The following ULK4 variants were observed in gnomAD, a reference collection of about 807,000 sequenced individuals.
The protein encoded by ULK4 is unc-51 like kinase 4.
Under a neutral mutation model 160.6 loss-of-function variants are expected in ULK4, and 133 were observed. The ratio of observed to expected loss-of-function variants is 0.83; its 90% confidence interval spans 0.72 to 0.96. ULK4 has a LOEUF of 0.96. ULK4 is among the 40% of genes least tolerant of loss of function. The pLI, the probability that ULK4 is intolerant of heterozygous loss-of-function variation, is 0.00. For synonymous variants in ULK4, 534 were observed against 539.8 expected (o/e 0.99, Z 0.15); for missense variants, 1,580 against 1,499.5 (o/e 1.05, Z -0.89).
In ULK4 at chr3:41,705,171, T is replaced by A; in HGVS notation, c.2687-20A>T. The A allele has an allele frequency of 6.2e-7, 1 of 1,609,082 alleles. No homozygotes were observed. Among genetic ancestry groups the A allele is most frequent in the Admixed American group, 1.7e-5 (1 of 59,544 alleles). On this transcript the variant is annotated intron_variant, in intron 26 of 36. Coordinates refer to ENST00000301831, the MANE Select transcript of ULK4 (RefSeq NM_017886.4). The stretch of plus-strand genomic sequence containing the variant: ...TCAGTCCTAGAAATACAGTTAATTA[T>A]TATAGGTGTTTATTTACATGTTCTA...
chr3:41,842,274 G>A (rs1334995781), intron 17 of ULK4, among the ~76,000 whole-genome samples: 1 of 150,748 alleles, frequency 6.6e-6, no homozygotes, highest in African/African-American at 2.4e-5. Flanking sequence ...CCACTGTACT[G>A]CAGCCTGGGC....
At chr3:41,613,858 A>C (rs2032826748) in intron 31 of ULK4, among the ~76,000 whole-genome samples, 1 of 152,214 alleles carries the variant, frequency 6.6e-6, no homozygotes, top group Admixed American at 6.5e-5. Flanking sequence ...TGGTTAGAAA[A>C]AGAGCACCAT....
At chr3:41,594,072 A>G (rs1049241110) in intron 31 of ULK4, among the ~76,000 whole-genome samples, 1 of 152,006 alleles carries the variant, frequency 6.6e-6, no homozygotes, top group Non-Finnish European at 1.5e-5. Flanking sequence ...GAGGGGAGGG[A>G]AAGGGAAAGG....
At chr3:41,277,480 CA>C (rs1559500615) in intron 35 of ULK4, among the ~76,000 whole-genome samples, 2 of 152,112 alleles carry the variant, frequency 1.3e-5, no homozygotes, top group African/African-American at 2.4e-5. Context: ...TACCACATAA[CA>C]GAATTAAAAA....
chr3:41,865,271 T>TAAAAAAAAAA (rs55741060), intron 17 of ULK4, among the ~76,000 whole-genome samples: 2 of 29,868 alleles, frequency 6.7e-5, no homozygotes, highest in African/African-American at 2.7e-4. Flanking sequence ...ACTCTGTCTT[T>TAAAAAAAAAA]AAAAAAAAAA....
At chr3:41,800,611 TAAAC>T (rs1420786359) in intron 19 of ULK4, among the ~76,000 whole-genome samples, 3 of 152,132 alleles carry the variant, frequency 2.0e-5, no homozygotes, top group Non-Finnish European at 2.9e-5. Flanking sequence ...ATCTGGAAAA[TAAAC>T]AAAATAACTA....
At chr3:41,781,303 G>C (rs2039832578) in intron 21 of ULK4, among the ~76,000 whole-genome samples, 1 of 151,800 alleles carries the variant, frequency 6.6e-6, no homozygotes, top group Non-Finnish European at 1.5e-5. Context: ...TGTAGTCCCA[G>C]CTACTCAGGA....
intron 17 of ULK4, among the ~76,000 whole-genome samples, chr3:41,861,091 C>A (rs1324807808): frequency 6.6e-6 from 1 of 151,698 alleles, no homozygotes; most frequent in Non-Finnish European, 1.5e-5. Flanking sequence ...CTATTTAGAT[C>A]TCATTGCACT....
intron 30 of ULK4, among the ~76,000 whole-genome samples, chr3:41,620,509 C>A (rs571338465): frequency 6.6e-6 from 1 of 152,206 alleles, no homozygotes; most frequent in Non-Finnish European, 1.5e-5. Flanking sequence ...TAACAAATGA[C>A]AAAACCACAT....
intron 29 of ULK4, among the ~76,000 whole-genome samples, chr3:41,673,738 AG>A (rs1398811728): frequency 2.0e-5 from 3 of 152,106 alleles, no homozygotes; most frequent in Admixed American, 1.3e-4. Flanking sequence ...AAATGGTTCC[AG>A]TCTACCAAAG....
intron 4 of ULK4, among the ~76,000 whole-genome samples, chr3:41,935,201 A>ATTT (rs1559660854): frequency 7.9e-4 from 2 of 2,534 alleles, no homozygotes; most frequent in African/African-American, 9.2e-4. Flanking sequence ...GTTTTTATTT[A>ATTT]TTTATTTATT....
intron 5 of ULK4, among the ~76,000 whole-genome samples, chr3:41,930,563 T>A (rs1235430174): frequency 6.6e-6 from 1 of 152,104 alleles, no homozygotes; most frequent in Non-Finnish European, 1.5e-5. Flanking sequence ...ACTTACAGAA[T>A]GGGAGAAAAT....
intron 31 of ULK4, among the ~76,000 whole-genome samples, chr3:41,610,795 TATC>T (rs958201651): frequency 5.3e-5 from 8 of 152,240 alleles, no homozygotes; most frequent in East Asian, 3.8e-4. Flanking sequence ...ACACATAAAA[TATC>T]ATGACAGCAA....
Position 41,397,932 on chromosome 3 carries a change from G to C in ULK4, c.3678+147C>G, listed in dbSNP as rs2082097446. The C allele has an allele frequency of 4.8e-6, 4 of 828,044 alleles. 1 individual carries two copies. The highest frequency in any genetic ancestry group is 3.4e-5 in the African/African-American group (2 of 58,130). 51.3% of individuals were successfully genotyped at this position (828,044 alleles called of 1,614,324 possible). On this transcript the variant is annotated intron_variant, in intron 35 of 36. Transcript: ENST00000301831. ...TATATGACAAATGTCAACAACAGGT[G>C]ATTAAGGAGAAAGGTGACTGGGAGT...
In ULK4 at chr3:41,405,464, A is replaced by C. The variant is rs1474103980; in HGVS notation, c.3493-7200T>G. ...CAAGTGCATGTGTCTTTTTGGAAGA[A>C]CAATTTGTTTTCTCTTGGATATATA... is the stretch of plus-strand genomic sequence containing the variant. On this transcript the variant is annotated intron_variant, in intron 34 of 36. Transcript: ENST00000301831. Among the ~76,000 whole-genome samples, 3 of 152,200 alleles carry C rather than the reference A, an allele frequency of 2.0e-5. No individual in the cohort carries two copies. The East Asian group carries it at 5.8e-4, about 29-fold the overall frequency.
At chr3:41,820,389 A>G (rs1217656236) in intron 18 of ULK4, among the ~76,000 whole-genome samples, 1 of 152,180 alleles carries the variant, frequency 6.6e-6, no homozygotes, top group Non-Finnish European at 1.5e-5. Flanking sequence ...ACTATTCACA[A>G]GAGCAAAAAC....
intron 29 of ULK4, among the ~76,000 whole-genome samples, chr3:41,679,234 C>T (rs1431220485): frequency 3.9e-5 from 6 of 152,094 alleles, no homozygotes; most frequent in Non-Finnish European, 8.8e-5. Flanking sequence ...ATAACAGTCA[C>T]GGTGCTAAAC....
At chr3:41,539,310 A>G (rs2086619501) in intron 32 of ULK4, among the ~76,000 whole-genome samples, 1 of 152,152 alleles carries the variant, frequency 6.6e-6, no homozygotes, top group African/African-American at 2.4e-5. Context: ...TGTTCCAAGA[A>G]AACTGTATTT....
intron 34 of ULK4, among the ~76,000 whole-genome samples, chr3:41,449,738 A>T (rs1402493510): frequency 6.6e-6 from 1 of 152,030 alleles, no homozygotes; most frequent in African/African-American, 2.4e-5. Flanking sequence ...AATGGAAAAC[A>T]GAAATGAACT....
Sources: allele counts gnomAD v4.1 joint callset (sites outside exome capture counted in the v4.1 genomes callset), GRCh38; gene constraint gnomAD v4.1.1; transcripts MANE v1.5; gene names NCBI Gene and HGNC (gene_info 2026-07-23, HGNC 2026-07-21).